NRXN1: variants seen among roughly 807,000 people sequenced by gnomAD.
NRXN1 encodes the protein neurexin 1.
NRXN1 carries 39 observed loss-of-function variants against 150.9 expected under a neutral mutation model. The ratio of observed to expected loss-of-function variants is 0.26; its 90% confidence interval spans 0.20 to 0.34. The LOEUF is 0.34. Ranked by LOEUF, NRXN1 falls within the 10% of genes least tolerant of loss-of-function variation. NRXN1 has a pLI of 1.00. For synonymous variants in NRXN1, 924 were observed against 757.0 expected, an observed-to-expected ratio of 1.22 and a Z score of -3.62; for missense variants, 1,815 against 1,949.9, an observed-to-expected ratio of 0.93 and a Z score of 1.30.
At chr2:49,974,332 C>A in intron 21 of NRXN1, 1 of 449,774 alleles carries the variant, frequency 2.2e-6, no homozygotes, top group Non-Finnish European at 4.3e-6. Context: ...CTCAAAAAGT[C>A]TCAGCAGTCG....
At chr2:50,598,642 G>GTATCTATATACATATATATTCATATATA (rs1401471343) in intron 8 of NRXN1, among the ~76,000 whole-genome samples, 1 of 145,832 alleles carries the variant, frequency 6.9e-6, no homozygotes, top group Non-Finnish European at 1.5e-5. Context: ...GTATATATGT[G>GTATCTATATACATATATATTCATATATA]TGTGTATCTA....
intron 2 of NRXN1, among the ~76,000 whole-genome samples, chr2:50,954,916 A>G (rs1692027247): frequency 6.6e-6 from 1 of 152,172 alleles, no homozygotes; most frequent in African/African-American, 2.4e-5. Flanking sequence ...AGATTGGTGT[A>G]CAGCATTTTT....
rs938980388 is a variant in NRXN1 at position 50,762,668 on chromosome 2, A to T, written c.833-139053T>A. On this transcript the variant is annotated intron_variant, in intron 5 of 22. Transcript: ENST00000401669. Reference sequence around the variant, plus strand: ...TATCAATGTTGCTGCAAAAAACATGATTTCATTCATTTTCATGGCTGTGTA... The same window carrying T: ...TATCAATGTTGCTGCAAAAAACATGTTTTCATTCATTTTCATGGCTGTGTA... Among the ~76,000 whole-genome samples the T allele has an allele frequency of 4.0e-5, 6 of 151,858 alleles. No individual in the cohort carries two copies. In the East Asian group the frequency reaches 1.2e-3, roughly 30 times the overall value.
At chr2:50,298,527 AT>A (rs5831109) in intron 17 of NRXN1, among the ~76,000 whole-genome samples, 114,913 of 150,274 alleles carry the variant, frequency 0.76, 43,956 homozygotes, top group East Asian at 0.86. Flanking sequence ...AAATTTACAG[AT>A]TTTTTTTTTT....
chr2:50,232,474 C>T (rs1431633621), intron 18 of NRXN1, among the ~76,000 whole-genome samples: 2 of 148,188 alleles, frequency 1.3e-5, no homozygotes, highest in African/African-American at 2.5e-5. Context: ...GCAACCTCCA[C>T]CTTCTGGGTT....
At chr2:50,010,468 C>A (rs865870965) in intron 21 of NRXN1, among the ~76,000 whole-genome samples, 1 of 152,162 alleles carries the variant, frequency 6.6e-6, no homozygotes, top group Admixed American at 6.5e-5. Flanking sequence ...TAATCTGCAA[C>A]CAGATTCTGG....
intron 15 of NRXN1, among the ~76,000 whole-genome samples, chr2:50,483,759 C>G (rs922467117): frequency 1.3e-5 from 2 of 152,168 alleles, no homozygotes; most frequent in Non-Finnish European, 2.9e-5. Flanking sequence ...TTACTAAAAC[C>G]CTTCTCAATG....
chr2:50,361,483 A>T (rs2079184977), intron 17 of NRXN1, among the ~76,000 whole-genome samples: 1 of 152,126 alleles, frequency 6.6e-6, no homozygotes, highest in Admixed American at 6.6e-5. Flanking sequence ...CACTATAAAC[A>T]CCTCTATGCA....
intron 21 of NRXN1, among the ~76,000 whole-genome samples, chr2:50,033,985 AC>A (rs1252138766): frequency 1.6e-4 from 24 of 151,100 alleles, no homozygotes; most frequent in Admixed American, 1.3e-4. Flanking sequence ...AAAAAAAAAA[AC>A]AAACAGCAGG....
At chr2:50,146,029 T>C (rs1211958750) in intron 18 of NRXN1, among the ~76,000 whole-genome samples, 1 of 151,636 alleles carries the variant, frequency 6.6e-6, no homozygotes, top group Non-Finnish European at 1.5e-5. Context: ...GGAAGAATAA[T>C]ATGAGTGTCA....
chr2:50,487,549 G>T (rs2090963519), intron 15 of NRXN1, among the ~76,000 whole-genome samples: 1 of 152,204 alleles, frequency 6.6e-6, no homozygotes, highest in South Asian at 2.1e-4. Context: ...AAAGATGGCA[G>T]ATTTAGCTTT....
intron 8 of NRXN1, among the ~76,000 whole-genome samples, chr2:50,596,863 C>CTTTTTTTTTTTTTT (rs3053104): frequency 1.1e-5 from 1 of 92,152 alleles, no homozygotes; most frequent in African/African-American, 4.3e-5. Flanking sequence ...ATTCCTAGGA[C>CTTTTTTTTTTTTTT]TTTTTTTTTT....
At chr2:50,027,350 C>A (rs1223096963) in intron 21 of NRXN1, among the ~76,000 whole-genome samples, 1 of 136,284 alleles carries the variant, frequency 7.3e-6, no homozygotes, top group Non-Finnish European at 1.5e-5. Flanking sequence ...TGTTCGTTCC[C>A]TTCCTTCCTT....
At chr2:50,825,003 A>G (rs374352001) in intron 5 of NRXN1, among the ~76,000 whole-genome samples, 1 of 152,198 alleles carries the variant, frequency 6.6e-6, no homozygotes, top group African/African-American at 2.4e-5. Flanking sequence ...TACACTATAG[A>G]GAAGAAAAGT....
At chr2:49,943,086 G>A (rs1274733925) in intron 22 of NRXN1, among the ~76,000 whole-genome samples, 1 of 152,100 alleles carries the variant, frequency 6.6e-6, no homozygotes, top group Non-Finnish European at 1.5e-5. Context: ...GGGCTGTATG[G>A]TAACAGTATT....
chr2:50,324,283 T>C (rs1387754842), intron 17 of NRXN1, among the ~76,000 whole-genome samples: 1 of 152,160 alleles, frequency 6.6e-6, no homozygotes, highest in Non-Finnish European at 1.5e-5. Flanking sequence ...GGCAACCGAT[T>C]AAATGCATGG....
At chr2:50,052,924 T>G (rs968928834) in intron 21 of NRXN1, among the ~76,000 whole-genome samples, 1 of 152,178 alleles carries the variant, frequency 6.6e-6, no homozygotes, top group African/African-American at 2.4e-5. Flanking sequence ...AGACAAGGTT[T>G]TCAAATATTT....
chr2:50,017,290 G>A (rs936719302), intron 21 of NRXN1, among the ~76,000 whole-genome samples: 2 of 152,062 alleles, frequency 1.3e-5, no homozygotes, highest in East Asian at 3.9e-4. Context: ...TTTCAAATGT[G>A]CAGTAACAGC....
chr2:50,085,858 TGAA>T (rs1698708147), intron 19 of NRXN1, among the ~76,000 whole-genome samples: 1 of 152,206 alleles, frequency 6.6e-6, no homozygotes, highest in South Asian at 2.1e-4. Flanking sequence ...CATTTAGTTA[TGAA>T]GAATAGGCTA....
Sources: allele counts gnomAD v4.1 joint callset (sites outside exome capture counted in the v4.1 genomes callset), GRCh38; gene constraint gnomAD v4.1.1; transcripts MANE v1.5; gene names NCBI Gene and HGNC (gene_info 2026-07-23, HGNC 2026-07-21).